C4orf17: variants seen among roughly 807,000 people sequenced by gnomAD.
The protein encoded by C4orf17 is uncharacterized protein C4orf17.
C4orf17 carries 25 observed loss-of-function variants against 32.0 expected under a neutral mutation model. That is an observed-to-expected ratio of 0.78 (90% CI 0.57 to 1.09). The LOEUF is 1.09. Ranked by LOEUF, C4orf17 falls within the 50% of genes least tolerant of loss-of-function variation. C4orf17 has a pLI of 0.00. For synonymous variants in C4orf17, 149 were observed against 145.8 expected, an observed-to-expected ratio of 1.02 and a Z score of -0.16; for missense variants, 420 against 420.0, an observed-to-expected ratio of 1.00 and a Z score of 0.00.
chr4:99,539,147 T>C lies in C4orf17; in HGVS notation c.629-16T>C, dbSNP rs1185596318. 4.3e-6 allele frequency: 7 copies of C among 1,611,432 alleles called. No homozygotes were observed. Among genetic ancestry groups the C allele is most frequent in the Non-Finnish European group, 5.9e-6 (7 of 1,177,774 alleles). ...CAACCTTCACTCCTCCCACCCTTTT[T>C]TGTCTTTTAAACCAGAAAAAGAGTG... On this transcript the variant is annotated splice_polypyrimidine_tract_variant and intron_variant, in intron 6 of 8. Coordinates refer to ENST00000326581, the MANE Select transcript of C4orf17 (RefSeq NM_032149.3).
intron 7 of C4orf17, 44 bp downstream of exon 7, chr4:99,539,414 A>T: frequency 6.9e-7 from 1 of 1,454,692 alleles, no homozygotes; most frequent in Non-Finnish European, 9.6e-7. Flanking sequence ...CCTATGGCAC[A>T]TGAAGACTTT....
In C4orf17 at chr4:99,541,891, AT is replaced by A. The variant is rs758433526; in HGVS notation, c.881-12del. The stretch of plus-strand genomic sequence containing the variant: ...GTGTCTCAATTATGGTCTTATTTAG[AT>A]TTTTTTCTCTATTTCAGAGGCTGAG... On this transcript the variant is annotated intron_variant, in intron 8 of 8. Transcript: ENST00000326581. The A allele has an allele frequency of 1.3e-6, 2 of 1,583,540 alleles. No homozygotes were observed. Among genetic ancestry groups the A allele is most frequent in the Non-Finnish European group, 1.7e-6 (2 of 1,157,448 alleles).
Position 99,541,967 on chromosome 4 carries a change from C to T in C4orf17, c.938C>T (p.Ala313Val). 1.2e-6 allele frequency: 2 copies of T among 1,613,932 alleles called. No individual in the cohort carries two copies. The highest frequency in any genetic ancestry group is 1.7e-4 in the Middle Eastern group (1 of 6,056). ...IRRNNMKIPV[A>V]EYFSKPNSPP... ...AGAAATAATATGAAAATACCTGTTGCAGAATATTTCAGCAAACCAAATTCT... is the reference window on the plus strand; with the variant it reads ...AGAAATAATATGAAAATACCTGTTGTAGAATATTTCAGCAAACCAAATTCT... The change falls in exon 9 of 9, where the codon GCA becomes GTA. Residue 313 changes from alanine (A) to valine (V), a missense_variant. Ala to Val is a moderately conservative substitution (Grantham distance 64). Coordinates refer to ENST00000326581, the MANE Select transcript of C4orf17 (RefSeq NM_032149.3).
intron 7 of C4orf17, 42 bp from the exon 8 acceptor site, chr4:99,540,370 G>T: frequency 6.8e-7 from 1 of 1,477,460 alleles, no homozygotes; most frequent in Non-Finnish European, 9.4e-7. Context: ...ATACTTTTTT[G>T]TATCTGTGAA....
At chr4:99,531,712 T>C (rs1291392955) in intron 5 of C4orf17, among the ~76,000 whole-genome samples, 2 of 152,200 alleles carry the variant, frequency 1.3e-5, no homozygotes, top group Non-Finnish European at 2.9e-5. Flanking sequence ...TTTTGCCAAA[T>C]AGTTGTTGAC....
rs771521352 is a variant in C4orf17 at position 99,522,555 on chromosome 4, A to C, written c.183A>C (p.Thr61=). ...TVNDDENAFG[T]LWGVGQSNYL... ...ATGATGATGAGAATGCATTTGGAAC[A>C]TTGTGGGGAGTTGGCCAGTCTAACT... Residue 61 remains threonine, a synonymous_variant, in exon 3 of 9, where the codon ACA becomes ACC. Transcript: ENST00000326581. The C allele has an allele frequency of 2.5e-6, 4 of 1,613,884 alleles. No individual in the cohort carries two copies. Among genetic ancestry groups the C allele is most frequent in the Non-Finnish European group, 3.4e-6 (4 of 1,179,924 alleles).
chr4:99,538,006 C>A (rs939548376), intron 6 of C4orf17, among the ~76,000 whole-genome samples: 1 of 152,146 alleles, frequency 6.6e-6, no homozygotes, highest in Non-Finnish European at 1.5e-5. Context: ...TGTCCAAGGG[C>A]GGTCTTATTC....
At position 99,513,099 on chromosome 4, in the gene C4orf17, G is replaced by C; in HGVS notation, c.18G>C (p.Pro6=). The C allele has an allele frequency of 6.2e-7, 1 of 1,613,754 alleles. No homozygotes were observed. Among genetic ancestry groups the C allele is most frequent in the Non-Finnish European group, 8.5e-7 (1 of 1,179,804 alleles). Residue 6 remains proline (P), a synonymous_variant, in exon 2 of 9, where the codon CCG becomes CCC. Transcript: ENST00000326581. ...CCACAAACATGAACCTCAACCCCCC[G>C]ACATCTGCTCTTCAGATCGAGGGCA... The part of the protein sequence containing the change: MNLNP[P]TSALQIEGKG...
chr4:99,518,582 G>GAGAA (rs1258073595), intron 2 of C4orf17, among the ~76,000 whole-genome samples: 2 of 110,080 alleles, frequency 1.8e-5, no homozygotes, highest in African/African-American at 9.7e-5. Flanking sequence ...GAGAGAGAGA[G>GAGAA]AGGGAGGGAG....
At chr4:99,512,582 G>C (rs1367412533) in intron 1 of C4orf17, among the ~76,000 whole-genome samples, 2 of 151,920 alleles carry the variant, frequency 1.3e-5, no homozygotes, top group Non-Finnish European at 2.9e-5. Flanking sequence ...AATATGAAGG[G>C]ACTTAACTTA....
At chr4:99,535,814 C>T in intron 5 of C4orf17, 1 of 377,466 alleles carries the variant, frequency 2.6e-6, no homozygotes, top group South Asian at 2.1e-5. Context: ...GAAGCAGCAC[C>T]CTGGCTTTTT....
At chr4:99,530,165 A>G (rs1723454787) in intron 5 of C4orf17, among the ~76,000 whole-genome samples, 1 of 152,130 alleles carries the variant, frequency 6.6e-6, no homozygotes, top group African/African-American at 2.4e-5. Flanking sequence ...TCAGATAAAC[A>G]CAATCTTTGA....
chr4:99,522,851 AT>A (rs112027447), intron 3 of C4orf17, 142 bp downstream of exon 3: 50 of 648,716 alleles, frequency 7.7e-5, no homozygotes, highest in African/African-American at 2.6e-4. Context: ...TTGTTATATA[AT>A]TTTTTTTCAC....
In C4orf17 at chr4:99,522,506, A is replaced by G. The variant is rs376532884; in HGVS notation, c.134A>G (p.Asn45Ser). 3 of 1,613,130 alleles carry G rather than the reference A, an allele frequency of 1.9e-6. No individual in the cohort carries two copies. Among genetic ancestry groups the G allele is most frequent in the African/African-American group, 1.3e-5 (1 of 74,882 alleles). ...PRRVCHIKGLNNIPICTVNDD... is the reference protein window; with the variant it reads ...PRRVCHIKGLSNIPICTVNDD... The stretch of plus-strand genomic sequence containing the variant: ...TTAATCTTTACTCACCTAGGCTTGA[A>G]TAACATTCCAATCTGTACTGTGAAT... Residue 45 changes from asparagine to serine, a missense_variant, in exon 3 of 9, where the codon AAT (asparagine) becomes AGT (serine). Asn to Ser is a conservative substitution (Grantham distance 46, BLOSUM62 1). Coordinates refer to ENST00000326581, the MANE Select transcript of C4orf17 (RefSeq NM_032149.3).
At chr4:99,524,032 T>A (rs981730679) in intron 3 of C4orf17, among the ~76,000 whole-genome samples, 1 of 145,568 alleles carries the variant, frequency 6.9e-6, no homozygotes, top group East Asian at 2.0e-4. Context: ...CAGCCTGGAG[T>A]GCAGTGGTGC....
chr4:99,530,853 A>G (rs1279192285), intron 5 of C4orf17, among the ~76,000 whole-genome samples: 2 of 152,120 alleles, frequency 1.3e-5, no homozygotes. Flanking sequence ...TTTATACATT[A>G]TTTCCTGATG....
At chr4:99,528,200 T>G (rs1401231497) in intron 4 of C4orf17, among the ~76,000 whole-genome samples, 1 of 145,194 alleles carries the variant, frequency 6.9e-6, no homozygotes, top group Non-Finnish European at 1.5e-5. Flanking sequence ...GTCTTTGTTT[T>G]TCTCAATTAA....
intron 5 of C4orf17, among the ~76,000 whole-genome samples, chr4:99,531,157 TCA>T (rs1295134451): frequency 1.3e-5 from 2 of 152,040 alleles, no homozygotes; most frequent in Non-Finnish European, 2.9e-5. Flanking sequence ...ATATGTATGT[TCA>T]GACTTATTTA....
chr4:99,513,408 T>C (rs1723128500), intron 2 of C4orf17, among the ~76,000 whole-genome samples, 200 bp downstream of exon 2: 1 of 152,206 alleles, frequency 6.6e-6, no homozygotes, highest in African/African-American at 2.4e-5. Flanking sequence ...AGTCCCTCTC[T>C]GTGTTGGACA....
Sources: allele counts gnomAD v4.1 joint callset (sites outside exome capture counted in the v4.1 genomes callset), GRCh38; gene constraint gnomAD v4.1.1; transcripts MANE v1.5; gene names NCBI Gene and HGNC (gene_info 2026-07-23, HGNC 2026-07-21).